EPB41L1: variants seen among roughly 807,000 people sequenced by gnomAD.
EPB41L1 encodes band 4.1-like protein 1.
Under a neutral mutation model 97.8 loss-of-function variants are expected in EPB41L1, and 29 were observed. The observed-to-expected ratio is 0.30, with a 90% CI of 0.22 to 0.40. The LOEUF (loss-of-function observed/expected upper bound fraction) is 0.40. Ranked by LOEUF, EPB41L1 falls within the 10% of genes least tolerant of loss-of-function variation. EPB41L1 has a pLI of 1.00. For synonymous variants in EPB41L1, 383 were observed against 459.2 expected, an observed-to-expected ratio of 0.83 and a Z score of 2.12; for missense variants, 812 against 1,162.3, an observed-to-expected ratio of 0.70 and a Z score of 4.38.
At chr20:36,174,658 C>T (rs995449907) in intron 2 of EPB41L1, among the ~76,000 whole-genome samples, 2 of 151,638 alleles carry the variant, frequency 1.3e-5, no homozygotes, top group African/African-American at 4.9e-5. Flanking sequence ...TCGAGTGATC[C>T]TCCCACCTTG....
At chr20:36,141,027 T>C (rs1366730122) in intron 2 of EPB41L1, among the ~76,000 whole-genome samples, 3 of 152,208 alleles carry the variant, frequency 2.0e-5, no homozygotes, top group African/African-American at 7.2e-5. Flanking sequence ...TGTGGGATTC[T>C]GGGCAAGGGA....
In EPB41L1 at chr20:36,120,795, A is replaced by G. The variant is rs548588337; in HGVS notation, c.-10+8315A>G. On this transcript the variant is annotated intron_variant, in intron 2 of 19. Coordinates refer to the EPB41L1 transcript ENST00000202028. Reference sequence around the variant, plus strand: ...ACTGGGATACAGAGGCACACATGGCAGGTAAACACATGCTATGGTCTGGAT... The same window carrying G: ...ACTGGGATACAGAGGCACACATGGCGGGTAAACACATGCTATGGTCTGGAT... Among the ~76,000 whole-genome samples the G allele has an allele frequency of 9.9e-5, 15 of 152,268 alleles. 1 individual carries two copies. The South Asian group carries it at 1.0e-3, about 11-fold the overall frequency.
chr20:36,184,998 G>T, intron 6 of EPB41L1, 119 bp from the exon 7 acceptor site: 1 of 994,388 alleles, frequency 1.0e-6, no homozygotes. Context: ...AAGCGCCAAT[G>T]TCTACAAACA....
Position 36,134,781 on chromosome 20 carries a change from C to T in EPB41L1, c.-10+22301C>T, listed in dbSNP as rs73283487. On this transcript the variant is annotated intron_variant, in intron 2 of 19. Transcript: ENST00000202028. The stretch of plus-strand genomic sequence containing the variant: ...CAGGTAGGCAGAAGCAATGGCTGCA[C>T]GTCTGTCTGTGGGAGTCTGTGAGGG... Among the ~76,000 whole-genome samples the T allele has an allele frequency of 8.2e-3, 1,238 of 151,224 alleles. 11 individuals are homozygous for T. The highest frequency in any genetic ancestry group is 0.028 in the Middle Eastern group (8 of 288).
At position 36,203,646 on chromosome 20, in the gene EPB41L1, C is replaced by T. The variant is rs115280023; in HGVS notation, c.1668+5605C>T. Among the ~76,000 whole-genome samples the T allele has an allele frequency of 6.6e-3, 1,007 of 152,334 alleles. 13 individuals carry two copies. Among genetic ancestry groups the T allele is most frequent in the African/African-American group, 0.023 (960 of 41,566 alleles). On this transcript the variant is annotated intron_variant, in intron 14 of 21. Transcript: ENST00000338074. ...CTTCTCAAGGAAATGAGCAAAAGGACCTAGCTTCCGTAGGCTCTCAAAGCA... is the reference window on the plus strand; with the variant it reads ...CTTCTCAAGGAAATGAGCAAAAGGATCTAGCTTCCGTAGGCTCTCAAAGCA...
At chr20:36,147,170 C>T (rs1051580921) in intron 2 of EPB41L1, among the ~76,000 whole-genome samples, 8 of 151,876 alleles carry the variant, frequency 5.3e-5, no homozygotes, top group African/African-American at 1.9e-4. Flanking sequence ...ACAGCAACAA[C>T]AAAACAGAGG....
At chr20:36,121,884 G>C (rs1054857818) in intron 2 of EPB41L1, 2 of 152,366 alleles carry the variant, frequency 1.3e-5, no homozygotes, top group Non-Finnish European at 2.9e-5. Flanking sequence ...GGTGGAGTGA[G>C]AGCAGACCTT....
chr20:36,107,115 T>G (rs1018052619), intron 1 of EPB41L1, among the ~76,000 whole-genome samples: 2 of 152,098 alleles, frequency 1.3e-5, no homozygotes, highest in Admixed American at 1.3e-4. Context: ...AATATTTAAT[T>G]TTATTTGATT....
intron 7 of EPB41L1, among the ~76,000 whole-genome samples, chr20:36,186,863 T>A (rs1166362840): frequency 6.6e-6 from 1 of 152,174 alleles, no homozygotes; most frequent in Non-Finnish European, 1.5e-5. Flanking sequence ...CACAGGAAAC[T>A]GAGGCCTGGA....
intron 4 of EPB41L1, among the ~76,000 whole-genome samples, 197 bp downstream of exon 4, chr20:36,178,253 G>A (rs1041154001): frequency 6.6e-6 from 1 of 152,250 alleles, no homozygotes; most frequent in Non-Finnish European, 1.5e-5. Context: ...ACCCCCAGAT[G>A]AGAATTTAGA....
chr20:36,179,978 G>A (rs2061412066), intron 5 of EPB41L1, among the ~76,000 whole-genome samples: 2 of 152,192 alleles, frequency 1.3e-5, no homozygotes, highest in African/African-American at 2.4e-5. Flanking sequence ...ATAGGCAGCC[G>A]AGTGTGTGGT....
At position 36,177,282 on chromosome 20, in the gene EPB41L1, C is replaced by T. The variant is rs569056874; in HGVS notation, c.343-670C>T. On this transcript the variant is annotated intron_variant, in intron 3 of 21. Transcript: ENST00000338074. ...CCCCTGTGGGTTTGGAGTGCCCAGT[C>T]GGGTTCTCGGCTTCGTCATTCTGAA... Among the ~76,000 whole-genome samples the T allele has an allele frequency of 7.8e-4, 119 of 152,254 alleles. 1 individual carries two copies. The highest frequency in any genetic ancestry group is 6.0e-4 in the African/African-American group (25 of 41,540).
intron 9 of EPB41L1, among the ~76,000 whole-genome samples, chr20:36,188,872 C>CT: frequency 7.0e-6 from 1 of 142,082 alleles, no homozygotes; most frequent in Admixed American, 7.2e-5. Flanking sequence ...GAGCAAGACT[C>CT]TGTCTCAAAA....
rs200285632 is a variant in EPB41L1, at chr20:36,195,399, G to A, written c.1485+35G>A. The A allele has an allele frequency of 7.5e-4, 1,202 of 1,612,630 alleles. 3 individuals carry two copies. The highest frequency in any genetic ancestry group is 9.7e-4 in the Non-Finnish European group (1,140 of 1,179,100). ...GGGACCTGTCCCTCCCTACCCAGCCGTTCCCATCCCTAGCTCATTTGTCAC... is the reference window on the plus strand; with the variant it reads ...GGGACCTGTCCCTCCCTACCCAGCCATTCCCATCCCTAGCTCATTTGTCAC... On this transcript the variant is annotated intron_variant, in intron 13 of 21. Transcript: ENST00000338074. This position sits in a 1 kb window ranked among gnomAD's most constrained non-coding sequence, Gnocchi z 4.6.
intron 2 of EPB41L1, among the ~76,000 whole-genome samples, chr20:36,127,270 C>G (rs1321099518): frequency 6.6e-6 from 1 of 152,210 alleles, no homozygotes; most frequent in Non-Finnish European, 1.5e-5. Context: ...TGCATCCCCA[C>G]CCCAGCTGAT....
chr20:36,232,711 C>G lies in EPB41L1; in HGVS notation c.*3371C>G, dbSNP rs2064545880. 2.5e-6 allele frequency: 1 copy of G among 399,092 alleles called. No homozygotes were observed. The highest frequency in any genetic ancestry group is 4.4e-6 in the Non-Finnish European group (1 of 226,214). The allele number at this position is 399,092 out of a possible 1,614,324, so 24.7% of individuals were successfully genotyped here. ...TCTCCTTTCTCGTCCCCATGCTCCCCCACCTCAGTGCTCCGTGCTGTATGC... is the reference window on the plus strand; with the variant it reads ...TCTCCTTTCTCGTCCCCATGCTCCCGCACCTCAGTGCTCCGTGCTGTATGC... On this transcript the variant is annotated 3_prime_UTR_variant, in exon 22 of 22. Transcript: ENST00000338074.
chr20:36,196,616 G>C (rs1196965861), intron 13 of EPB41L1, among the ~76,000 whole-genome samples: 1 of 152,226 alleles, frequency 6.6e-6, no homozygotes, highest in Non-Finnish European at 1.5e-5. Context: ...GTCAGCCATA[G>C]TGGATCCTTG....
intron 2 of EPB41L1, among the ~76,000 whole-genome samples, chr20:36,142,502 G>A (rs1203095285): frequency 1.3e-5 from 2 of 152,144 alleles, no homozygotes; most frequent in South Asian, 2.1e-4. Flanking sequence ...CTTTTTCAAC[G>A]ATGAAAGATG....
At chr20:36,200,185 AT>A (rs1282358532) in intron 14 of EPB41L1, among the ~76,000 whole-genome samples, 2 of 152,136 alleles carry the variant, frequency 1.3e-5, no homozygotes, top group Admixed American at 1.3e-4. Context: ...TTTGAGCCGC[AT>A]TGCCTAGTCC....
Sources: allele counts gnomAD v4.1 joint callset (sites outside exome capture counted in the v4.1 genomes callset), GRCh38; gene constraint gnomAD v4.1.1; non-coding constraint Gnocchi (gnomAD v3.1); transcripts MANE v1.5; gene names NCBI Gene and HGNC (gene_info 2026-07-23, HGNC 2026-07-21).